LY6K: variants seen among roughly 807,000 people sequenced by gnomAD.
LY6K encodes lymphocyte antigen 6K.
A neutral mutation model predicts 10.4 loss-of-function variants in LY6K; 9 were observed. The ratio of observed to expected loss-of-function variants is 0.87; its 90% CI spans 0.52 to 1.52. LY6K has a LOEUF of 1.52. Among genes scored for constraint, LY6K ranks in the 40% most tolerant of loss-of-function variants. The pLI, the probability that LY6K is intolerant of heterozygous loss-of-function variation, is 0.00. For synonymous variants in LY6K, 98 were observed against 83.7 expected, an observed-to-expected ratio of 1.17 and a Z score of -0.94; for missense variants, 217 against 211.7, an observed-to-expected ratio of 1.02 and a Z score of -0.15.
At chr8:142,701,473 C>A (rs1815030235) in intron 1 of LY6K, 127 bp from the exon 2 acceptor site, 1 of 670,756 alleles carries the variant, frequency 1.5e-6, no homozygotes, top group Non-Finnish European at 2.7e-6. Context: ...TCATGTGGCC[C>A]CAGCCACTGC....
At chr8:142,702,696 GCT>G in intron 2 of LY6K, 5 of 1,506,126 alleles carry the variant, frequency 3.3e-6, no homozygotes, top group Non-Finnish European at 3.6e-6. Flanking sequence ...AAGACCCCCA[GCT>G]CAGAGTCGAG....
rs782793114 is a variant in LY6K, at chr8:142,700,431, G to T, written c.-97G>T. 1 of 1,424,718 alleles carries T rather than the reference G, an allele frequency of 7.0e-7. No individual in the cohort carries two copies. The highest frequency in any genetic ancestry group is 1.5e-5 in the South Asian group (1 of 68,416). 88.3% of individuals were successfully genotyped at this position (1,424,718 alleles called of 1,614,324 possible). A position where few individuals can be genotyped will look rare whatever the true frequency, so the allele number is the denominator to read the frequency against. On this transcript the variant is annotated 5_prime_UTR_variant, in exon 1 of 3. Transcript: ENST00000292430. ...GGGGCGGGCGGGGCTCCCCCTACCG[G>T]CCAGACCCGGGGAGAGGCGCGCGGA...
Position 142,702,335 on chromosome 8 carries a change from C to T in LY6K, c.217+622C>T. 8.0e-6 allele frequency: 5 copies of T among 628,680 alleles called. No homozygotes were observed. The South Asian group carries it at 1.0e-4, about 13-fold the overall frequency. The allele number at this position is 628,680 out of a possible 1,614,324, so 38.9% of individuals were successfully genotyped here. On this transcript the variant is annotated intron_variant, in intron 2 of 2. Coordinates refer to ENST00000292430, the MANE Select transcript of LY6K (RefSeq NM_017527.4). Reference sequence around the variant, plus strand: ...GTCTATGTCACTCTTACAAGAGATGCACAAAACCAAGGTGTACAGCCTTCA... The same window carrying T: ...GTCTATGTCACTCTTACAAGAGATGTACAAAACCAAGGTGTACAGCCTTCA...
intron 2 of LY6K, chr8:142,702,563 C>T: frequency 2.0e-6 from 3 of 1,535,714 alleles, no homozygotes; most frequent in Non-Finnish European, 2.6e-6. Flanking sequence ...CCTTCGGTAT[C>T]CACGAAGTTG....
intron 2 of LY6K, chr8:142,702,758 G>T: frequency 6.7e-7 from 1 of 1,484,264 alleles, no homozygotes; most frequent in Non-Finnish European, 9.0e-7. Flanking sequence ...GGCCAGAATG[G>T]CTGGGAGTCA....
At chr8:142,702,646 T>C (rs1815084632) in intron 2 of LY6K, 1 of 1,531,204 alleles carries the variant, frequency 6.5e-7, no homozygotes, top group Non-Finnish European at 8.7e-7. Flanking sequence ...GGCAAAATGA[T>C]TTGTACAGTG....
chr8:142,700,334 A>T lies in LY6K; in HGVS notation c.-194A>T. 2 of 1,298,256 alleles carry T rather than the reference A, an allele frequency of 1.5e-6. No homozygotes were observed. The highest frequency in any genetic ancestry group is 2.0e-6 in the Non-Finnish European group (2 of 1,023,796). 80.4% of individuals were successfully genotyped at this position (1,298,256 alleles called of 1,614,324 possible). On this transcript the variant is annotated 5_prime_UTR_variant, in exon 1 of 3. Transcript: ENST00000292430. Reference sequence around the variant, plus strand: ...CTCAGAACCGGCGTTCAGGGCCGCCAGCGGCCGCGAGGCCCTGAGATGAGG... The same window carrying T: ...CTCAGAACCGGCGTTCAGGGCCGCCTGCGGCCGCGAGGCCCTGAGATGAGG...
chr8:142,700,382 C>G lies in LY6K; in HGVS notation c.-146C>G, dbSNP rs945639535. On this transcript the variant is annotated 5_prime_UTR_variant, in exon 1 of 3. Transcript: ENST00000292430. ...AGGCTCCAAAGACCCCGACAGGCCC[C>G]GGCGGGTGGGAGGCGCGCGCCCCGG... The G allele has an allele frequency of 2.2e-6, 3 of 1,342,946 alleles. No homozygotes were observed. The highest frequency in any genetic ancestry group is 2.9e-6 in the Non-Finnish European group (3 of 1,051,632). The allele number at this position is 1,342,946 out of a possible 1,614,324, so 83.2% of individuals were successfully genotyped here.
At chr8:142,702,231 G>A in intron 2 of LY6K, 1 of 512,834 alleles carries the variant, frequency 1.9e-6, no homozygotes, top group Non-Finnish European at 3.5e-6. Flanking sequence ...GAGGTAGGAA[G>A]AAAATCTGGA....
chr8:142,703,309 G>A lies in LY6K; in HGVS notation c.436G>A (p.Gly146Arg). ...TGGGAGCATGGGTGAGAGCTGTGGT[G>A]GGCTGTGGCTGGCCATCCTCCTGCT... is the stretch of plus-strand genomic sequence containing the variant. ...YAGSMGESCG[G>R]LWLAILLLLA... is the part of the protein sequence containing the mutation. Residue 146 changes from glycine (G) to arginine (R), a missense_variant, in exon 3 of 3, where the codon GGG becomes AGG. Transcript: ENST00000292430. 1 of 1,613,522 alleles carries A rather than the reference G, an allele frequency of 6.2e-7. No individual in the cohort carries two copies.
rs587678160 is a variant in LY6K, at chr8:142,702,337, C to T, written c.217+624C>T. 5.0e-5 allele frequency: 32 copies of T among 638,110 alleles called. No individual in the cohort carries two copies. In the East Asian group the frequency reaches 6.9e-4, roughly 14 times the overall value. The allele number at this position is 638,110 out of a possible 1,614,324, so 39.5% of individuals were successfully genotyped here. A position where few individuals can be genotyped will look rare whatever the true frequency, so the allele number is the denominator to read the frequency against. ...CTATGTCACTCTTACAAGAGATGCACAAAACCAAGGTGTACAGCCTTCAAG... is the reference window on the plus strand; with the variant it reads ...CTATGTCACTCTTACAAGAGATGCATAAAACCAAGGTGTACAGCCTTCAAG... On this transcript the variant is annotated intron_variant, in intron 2 of 2. Coordinates refer to ENST00000292430, the MANE Select transcript of LY6K (RefSeq NM_017527.4).
chr8:142,703,056 G>A (rs371930733), intron 2 of LY6K, 35 bp from the exon 3 acceptor site: 17 of 1,610,714 alleles, frequency 1.1e-5, no homozygotes, highest in Middle Eastern at 1.7e-4. Flanking sequence ...TTGGAATTGC[G>A]TGATTGCCTT....
rs1815075070 is a variant in LY6K, at chr8:142,702,390, TA to T, written c.217+682del. 5 of 1,147,282 alleles carry T rather than the reference TA, an allele frequency of 4.4e-6. No homozygotes were observed. In the Admixed American group the frequency reaches 6.1e-5, roughly 14 times the overall value. The allele number at this position is 1,147,282 out of a possible 1,614,324, so 71.1% of individuals were successfully genotyped here. A position where few individuals can be genotyped will look rare whatever the true frequency, so the allele number is the denominator to read the frequency against. On this transcript the variant is annotated intron_variant, in intron 2 of 2. Transcript: ENST00000292430. ...TGTTCTCAAAGGAGGGTGCATGCCT[TA>T]AAAATTGTGGAGACCACTGCTCTGT...
rs782414592 is a variant in LY6K, at chr8:142,704,278, A to T, written c.*907A>T. On this transcript the variant is annotated 3_prime_UTR_variant, in exon 3 of 3. Coordinates refer to ENST00000292430, the MANE Select transcript of LY6K (RefSeq NM_017527.4). The stretch of plus-strand genomic sequence containing the variant: ...GTACCAGCCATTCAGTTCATCCCTA[A>T]AGAATTGGGCACCCTGGGAATTTAA... 2.6e-5 allele frequency: 4 copies of T among 152,228 alleles called. No individual in the cohort carries two copies. The highest frequency in any genetic ancestry group is 5.9e-5 in the Non-Finnish European group (4 of 68,044). The allele number at this position is 152,228 out of a possible 1,614,324, so 9.4% of individuals were successfully genotyped here.
In LY6K at chr8:142,700,247, C is replaced by T; in HGVS notation, c.-281C>T. 2 of 1,020,080 alleles carry T rather than the reference C, an allele frequency of 2.0e-6. No homozygotes were observed. The highest frequency in any genetic ancestry group is 2.5e-6 in the Non-Finnish European group (2 of 808,512). The allele number at this position is 1,020,080 out of a possible 1,614,324, so 63.2% of individuals were successfully genotyped here. ...GCTGCGTTTCCACACGCGCCTTTCCCAGGGCTCCCGCGCCCGTTCCTGCCT... is the reference window on the plus strand; with the variant it reads ...GCTGCGTTTCCACACGCGCCTTTCCTAGGGCTCCCGCGCCCGTTCCTGCCT... On this transcript the variant is annotated 5_prime_UTR_variant, in exon 1 of 3. Coordinates refer to ENST00000292430, the MANE Select transcript of LY6K (RefSeq NM_017527.4).
intron 2 of LY6K, 117 bp from the exon 3 acceptor site, chr8:142,702,974 G>A: frequency 6.4e-7 from 1 of 1,557,362 alleles, no homozygotes; most frequent in African/African-American, 1.4e-5. Context: ...TGCCCCAGTT[G>A]ACTGTGCACC....
In LY6K at chr8:142,703,958, T is replaced by G. The variant is rs887928705; in HGVS notation, c.*587T>G. The G allele has an allele frequency of 2.0e-5, 3 of 152,938 alleles. No homozygotes were observed. Among genetic ancestry groups the G allele is most frequent in the Non-Finnish European group, 4.4e-5 (3 of 68,616 alleles). 9.5% of individuals were successfully genotyped at this position (152,938 alleles called of 1,614,324 possible). A position where few individuals can be genotyped will look rare whatever the true frequency, so the allele number is the denominator to read the frequency against. On this transcript the variant is annotated 3_prime_UTR_variant, in exon 3 of 3. Transcript: ENST00000292430. ...AGATAACTAATTGTGTTGAAGAAAC[T>G]TAGACTTCACCCACCAGCTGGCACA...
intron 1 of LY6K, among the ~76,000 whole-genome samples, chr8:142,701,086 C>G (rs1815009421): frequency 1.3e-5 from 2 of 151,974 alleles, no homozygotes; most frequent in East Asian, 3.9e-4. Flanking sequence ...GACCCAAGCC[C>G]CAGGGTCACT....
At chr8:142,702,580 T>C (rs1815082341) in intron 2 of LY6K, 2 of 1,535,404 alleles carry the variant, frequency 1.3e-6, no homozygotes, top group Middle Eastern at 1.7e-4. Flanking sequence ...GTTGGTGGGG[T>C]GCTGAGGTGA....
Sources: allele counts gnomAD v4.1 joint callset (sites outside exome capture counted in the v4.1 genomes callset), GRCh38; gene constraint gnomAD v4.1.1; transcripts MANE v1.5; gene names NCBI Gene and HGNC (gene_info 2026-07-23, HGNC 2026-07-21).